LUZP2: variants seen among roughly 807,000 people sequenced by gnomAD.
LUZP2 encodes leucine zipper protein 2.
A neutral mutation model predicts 51.6 loss-of-function variants in LUZP2; 52 were observed. The ratio of observed to expected loss-of-function variants is 1.01; its 90% CI spans 0.81 to 1.27. The LOEUF (loss-of-function observed/expected upper bound fraction) is 1.27. Ranked by LOEUF, LUZP2 falls within the 50% of genes most tolerant of loss-of-function variation. The pLI, the probability that LUZP2 is intolerant of heterozygous loss-of-function variation, is 0.00. For synonymous variants in LUZP2, 154 were observed against 137.3 expected (o/e 1.12, Z -0.85); for missense variants, 436 against 395.4 (o/e 1.10, Z -0.87).
intron 5 of LUZP2, among the ~76,000 whole-genome samples, chr11:24,883,102 G>A (rs1172271303): frequency 6.6e-6 from 1 of 151,906 alleles, no homozygotes; most frequent in Non-Finnish European, 1.5e-5. Context: ...AAATGCTGAT[G>A]ATAAGACAAC....
intron 5 of LUZP2, among the ~76,000 whole-genome samples, chr11:24,809,747 T>TTG (rs138937469): frequency 3.3e-5 from 5 of 151,920 alleles, no homozygotes; most frequent in South Asian, 2.1e-4. Context: ...CCTTATGCAT[T>TTG]TGTGTGTGTG....
intron 1 of LUZP2, among the ~76,000 whole-genome samples, chr11:24,581,371 A>T (rs1042419218): frequency 4.6e-5 from 7 of 152,242 alleles, no homozygotes; most frequent in Non-Finnish European, 7.4e-5. Flanking sequence ...CATCAATGGG[A>T]ATATGCAAAT....
At chr11:24,607,256 T>G (rs1348593196) in intron 1 of LUZP2, among the ~76,000 whole-genome samples, 1 of 151,596 alleles carries the variant, frequency 6.6e-6, no homozygotes, top group Admixed American at 6.6e-5. Flanking sequence ...TTCTTCTAAT[T>G]ATTTTATAGC....
chr11:24,805,382 G>A (rs1190407654), intron 5 of LUZP2, among the ~76,000 whole-genome samples: 16 of 151,940 alleles, frequency 1.1e-4, no homozygotes, highest in Non-Finnish European at 2.4e-4. Flanking sequence ...ATTTGGGTGG[G>A]GACACAGCCA....
chr11:24,850,492 G>C (rs1193334876), intron 5 of LUZP2, among the ~76,000 whole-genome samples: 2 of 151,874 alleles, frequency 1.3e-5, no homozygotes, highest in Non-Finnish European at 2.9e-5. Context: ...ACCTGTTTTG[G>C]TCCCAGTAAC....
intron 11 of LUZP2, among the ~76,000 whole-genome samples, chr11:25,078,052 C>T (rs1241913403): frequency 6.6e-6 from 1 of 152,066 alleles, no homozygotes. Context: ...GCATATATTT[C>T]TTTTTGTACA....
At chr11:24,541,005 C>A (rs1368493429) in intron 1 of LUZP2, among the ~76,000 whole-genome samples, 1 of 152,026 alleles carries the variant, frequency 6.6e-6, no homozygotes, top group East Asian at 1.9e-4. Context: ...GTAATCCCAG[C>A]AGTTTGGGAG....
chr11:25,069,099 A>C (rs1455292689), intron 10 of LUZP2, among the ~76,000 whole-genome samples: 1 of 152,018 alleles, frequency 6.6e-6, no homozygotes, highest in Non-Finnish European at 1.5e-5. Context: ...CATTGATATT[A>C]TGAGAAACGT....
chr11:24,630,242 G>C (rs1228942382), intron 1 of LUZP2, among the ~76,000 whole-genome samples: 4 of 151,826 alleles, frequency 2.6e-5, no homozygotes, highest in Non-Finnish European at 5.9e-5. Context: ...TGCTTTTCAG[G>C]TCTTAGTCAT....
intron 5 of LUZP2, among the ~76,000 whole-genome samples, chr11:24,799,336 G>A (rs1388152870): frequency 6.6e-6 from 1 of 152,120 alleles, no homozygotes; most frequent in Non-Finnish European, 1.5e-5. Flanking sequence ...GGTGGCTCAC[G>A]CCAGTAATTC....
intron 1 of LUZP2, among the ~76,000 whole-genome samples, chr11:24,666,759 G>A (rs1336863370): frequency 1.3e-5 from 2 of 152,122 alleles, no homozygotes; most frequent in African/African-American, 2.4e-5. Context: ...TTTTATCTTC[G>A]ATGTTTGGAA....
intron 10 of LUZP2, among the ~76,000 whole-genome samples, chr11:25,057,361 C>G (rs1171931695): frequency 6.6e-6 from 1 of 152,040 alleles, no homozygotes; most frequent in Non-Finnish European, 1.5e-5. Flanking sequence ...CCCTCAGATT[C>G]CTTGTTCCTT....
At position 24,784,043 on chromosome 11, in the gene LUZP2, T is replaced by C. The variant is rs1849170230; in HGVS notation, c.396+20735T>C. ...CTAGGCCTTTCTTGCGTGGCTTCAT[T>C]AAATACACCCCTAGACACGGAGTTT... On this transcript the variant is annotated intron_variant, in intron 5 of 11. Transcript: ENST00000336930. Among the ~76,000 whole-genome samples, 2 of 151,898 alleles carry C rather than the reference T, an allele frequency of 1.3e-5. 1 individual carries two copies. The highest frequency in any genetic ancestry group is 4.1e-4 in the South Asian group (2 of 4,824).
chr11:24,971,479 C>T (rs75047058), intron 7 of LUZP2, among the ~76,000 whole-genome samples: 89 of 152,134 alleles, frequency 5.9e-4, no homozygotes, highest in Middle Eastern at 6.8e-3. Flanking sequence ...CTGGGGACCA[C>T]TGTACTAGAG....
chr11:24,641,590 T>A (rs1032637422), intron 1 of LUZP2, among the ~76,000 whole-genome samples: 2 of 151,856 alleles, frequency 1.3e-5, no homozygotes, highest in African/African-American at 4.9e-5. Context: ...TCCCTTCAAA[T>A]TGAATATTTA....
chr11:24,522,414 A>G (rs1269783477), intron 1 of LUZP2, among the ~76,000 whole-genome samples: 1 of 152,036 alleles, frequency 6.6e-6, no homozygotes, highest in African/African-American at 2.4e-5. Context: ...TAATTATGCA[A>G]TGCAAAGATA....
At chr11:24,517,421 G>C (rs1473267637) in intron 1 of LUZP2, among the ~76,000 whole-genome samples, 1 of 133,700 alleles carries the variant, frequency 7.5e-6, no homozygotes, top group Non-Finnish European at 1.5e-5. Context: ...GGGAGGCGGA[G>C]CTTGCAGTGA....
Position 24,635,069 on chromosome 11 carries a change from A to C in LUZP2, c.63-94100A>C, listed in dbSNP as rs559648901. ...GGATGGGGGTGAGGGATGAGACATT[A>C]TTTAATGGGTAAAATGTACAATGTT... On this transcript the variant is annotated intron_variant, in intron 1 of 11. Coordinates refer to ENST00000336930, the MANE Select transcript of LUZP2 (RefSeq NM_001009909.4). 3.9e-5 allele frequency among the ~76,000 whole-genome samples: 6 copies of C among 152,262 alleles called. No individual in the cohort carries two copies. The South Asian group carries it at 1.2e-3, about 32-fold the overall frequency.
intron 5 of LUZP2, among the ~76,000 whole-genome samples, chr11:24,824,675 C>T (rs552623396): frequency 3.0e-4 from 46 of 151,978 alleles, no homozygotes; most frequent in African/African-American, 1.0e-3. Context: ...TAAAGCCCTA[C>T]ACATATTTAT....
Sources: allele counts gnomAD v4.1 joint callset (sites outside exome capture counted in the v4.1 genomes callset), GRCh38; gene constraint gnomAD v4.1.1; transcripts MANE v1.5; gene names NCBI Gene and HGNC (gene_info 2026-07-23, HGNC 2026-07-21).